The following CSMD2 variants were observed in gnomAD, a reference collection of about 807,000 sequenced individuals.
CSMD2 encodes CUB and sushi domain-containing protein 2.
In CSMD2, 130 loss-of-function variants were observed where a neutral mutation model predicts 398.5. The ratio of observed to expected loss-of-function variants is 0.33; its 90% confidence interval spans 0.28 to 0.38. CSMD2 has a LOEUF of 0.38. CSMD2 is among the 10% of genes least tolerant of loss of function. The probability of loss-of-function intolerance (pLI) is 1.00; values close to 1 mark genes in which losing one functional copy is unlikely to be tolerated. For missense variants in CSMD2, 3,829 were observed against 4,764.9 expected, an observed-to-expected ratio of 0.80 and a Z score of 5.78; for synonymous variants, 1,828 against 1,908.5, an observed-to-expected ratio of 0.96 and a Z score of 1.10.
chr1:33,929,214 A>G (rs111674252), intron 4 of CSMD2, among the ~76,000 whole-genome samples: 2,697 of 151,934 alleles, frequency 0.018, 79 homozygotes, highest in African/African-American at 0.061. Flanking sequence ...GCCCCAATCT[A>G]CGCCTGTCCC....
chr1:33,520,730 A>G (rs1654192169), intron 68 of CSMD2, among the ~76,000 whole-genome samples: 1 of 152,230 alleles, frequency 6.6e-6, no homozygotes, highest in African/African-American at 2.4e-5. Flanking sequence ...GCTTGGAGCC[A>G]GAGGACATGG....
intron 7 of CSMD2, 45 bp downstream of exon 7, chr1:33,825,652 C>CTCAA (rs763140837): frequency 6.3e-7 from 1 of 1,575,980 alleles, no homozygotes; most frequent in Non-Finnish European, 8.7e-7. Context: ...CACGTGTGAC[C>CTCAA]TCAAGCAAGA....
Position 33,521,534 on chromosome 1 carries a change from G to T in CSMD2, c.10526C>A (p.Ser3509Tyr), listed in dbSNP as rs767311659. 2 of 1,612,586 alleles carry T rather than the reference G, an allele frequency of 1.2e-6. No homozygotes were observed. The highest frequency in any genetic ancestry group is 1.7e-5 in the Admixed American group (1 of 60,022). The change falls in exon 68 of 71, where the codon TCC becomes TAC. Residue 3509 changes from serine to tyrosine, a missense_variant. This residue lies in a region of CSMD2 where 917 missense variants were observed against 1,199.5 expected (regional missense o/e 0.76). Coordinates refer to ENST00000373381, the MANE Select transcript of CSMD2 (RefSeq NM_001281956.2). ...GCCTTGGTAGATGAAGGTGGCTCCGGAGGACTCTGACGAGACCTGTGATGG... is the reference window on the plus strand; with the variant it reads ...GCCTTGGTAGATGAAGGTGGCTCCGTAGGACTCTGACGAGACCTGTGATGG... ...ALDGHVSSES[S>Y]GATFIYQGSV...
At chr1:33,590,515 T>C (rs941653771) in intron 44 of CSMD2, among the ~76,000 whole-genome samples, 2 of 151,622 alleles carry the variant, frequency 1.3e-5, no homozygotes, top group Admixed American at 6.6e-5. Flanking sequence ...TTCCCAAATC[T>C]CACCATCTAG....
chr1:33,657,636 C>A (rs1341952807), intron 27 of CSMD2, among the ~76,000 whole-genome samples: 1 of 152,140 alleles, frequency 6.6e-6, no homozygotes, highest in Non-Finnish European at 1.5e-5. Context: ...CCAAGATGAC[C>A]CACTGTCCTC....
chr1:33,788,863 G>T, intron 11 of CSMD2, 151 bp from the exon 12 acceptor site: 1 of 607,510 alleles, frequency 1.6e-6, no homozygotes, highest in Non-Finnish European at 3.0e-6. Flanking sequence ...CTGGAGCCCA[G>T]CAGCATGCTC....
intron 13 of CSMD2, among the ~76,000 whole-genome samples, chr1:33,750,114 G>A (rs1422208832): frequency 6.6e-6 from 1 of 152,076 alleles, no homozygotes; most frequent in Non-Finnish European, 1.5e-5. Flanking sequence ...AATTTTTAAT[G>A]GAGAGGCAAA....
In CSMD2 at chr1:34,122,824, C is replaced by T. The variant is rs367694106; in HGVS notation, c.188-33631G>A. Among the ~76,000 whole-genome samples, 23 of 152,282 alleles carry T rather than the reference C, an allele frequency of 1.5e-4. No homozygotes were observed. In the East Asian group the frequency reaches 3.1e-3, roughly 20 times the overall value. ...CATCTTACCAGGGGACAGAGAGGCC[C>T]ACTAGAGGGAGGATAGCCTGATCCC... On this transcript the variant is annotated intron_variant, in intron 1 of 70. Transcript: ENST00000373381.
At chr1:33,774,766 A>C (rs985804108) in intron 12 of CSMD2, among the ~76,000 whole-genome samples, 1 of 152,134 alleles carries the variant, frequency 6.6e-6, no homozygotes, top group Non-Finnish European at 1.5e-5. Flanking sequence ...GGGGATCCTA[A>C]GGGGGATGAA....
At chr1:33,969,305 T>C (rs1645670431) in intron 3 of CSMD2, among the ~76,000 whole-genome samples, 1 of 152,214 alleles carries the variant, frequency 6.6e-6, no homozygotes, top group Non-Finnish European at 1.5e-5. Context: ...ATTGAACAGA[T>C]GGGGTTAAAG....
At chr1:33,880,034 C>A (rs1641125925) in intron 5 of CSMD2, among the ~76,000 whole-genome samples, 1 of 152,064 alleles carries the variant, frequency 6.6e-6, no homozygotes, top group Non-Finnish European at 1.5e-5. Context: ...AATGAAAAAC[C>A]TGAAGCTTGA....
At chr1:33,649,821 A>C (rs1211943919) in intron 28 of CSMD2, among the ~76,000 whole-genome samples, 3 of 152,172 alleles carry the variant, frequency 2.0e-5, no homozygotes, top group African/African-American at 7.2e-5. Flanking sequence ...CTTTTGGCTA[A>C]GATATATAGC....
intron 5 of CSMD2, among the ~76,000 whole-genome samples, chr1:33,911,842 TG>T (rs1643462267): frequency 6.6e-6 from 1 of 152,034 alleles, no homozygotes. Flanking sequence ...AGCCCCGGGG[TG>T]GGTGCATGCT....
intron 25 of CSMD2, among the ~76,000 whole-genome samples, chr1:33,666,470 GT>G (rs1262729134): frequency 6.6e-6 from 1 of 151,748 alleles, no homozygotes; most frequent in East Asian, 1.9e-4. Context: ...CAAGTTTATG[GT>G]TTTGGTTCTA....
At chr1:33,625,999 C>T (rs1021074785) in intron 33 of CSMD2, among the ~76,000 whole-genome samples, 2 of 152,234 alleles carry the variant, frequency 1.3e-5, no homozygotes, top group East Asian at 1.9e-4. Context: ...TGTGATTGCC[C>T]GCTCCTTACA....
At chr1:33,687,228 T>C (rs775530056) in intron 25 of CSMD2, among the ~76,000 whole-genome samples, 1 of 152,166 alleles carries the variant, frequency 6.6e-6, no homozygotes, top group East Asian at 1.9e-4. Context: ...ATGGCTCAAG[T>C]GCAAAATGCA....
chr1:33,655,723 T>C (rs1643926823), intron 27 of CSMD2, among the ~76,000 whole-genome samples: 2 of 152,236 alleles, frequency 1.3e-5, no homozygotes, highest in Non-Finnish European at 1.5e-5. Flanking sequence ...GACCCGCTCA[T>C]GGCAGAACGC....
In CSMD2 at chr1:33,540,562, T is replaced by C; in HGVS notation, c.9594A>G (p.Gly3198=). The change falls in exon 60 of 71, where the codon GGA becomes GGG. Residue 3198 remains glycine, a synonymous_variant. Coordinates refer to ENST00000373381, the MANE Select transcript of CSMD2 (RefSeq NM_001281956.2). ...LSLPAVFTCE[G]NGSWTGELPQ... Reference sequence around the variant, plus strand: ...GCAGCTCTCCGGTCCAGGACCCATTTCCCTCACAGGTGAACACCGCGGGCA... The same window carrying C: ...GCAGCTCTCCGGTCCAGGACCCATTCCCCTCACAGGTGAACACCGCGGGCA... 6.2e-7 allele frequency: 1 copy of C among 1,614,124 alleles called. No homozygotes were observed. The highest frequency in any genetic ancestry group is 1.7e-5 in the Admixed American group (1 of 60,024).
rs370507143 is a variant in CSMD2, at chr1:33,568,189, C to CTTTTT, written c.8132-353_8132-349dup. On this transcript the variant is annotated intron_variant, in intron 52 of 70. Transcript: ENST00000373381. ...CCCAAAAACTCAAACTCAGGAGCAT[C>CTTTTT]TTTTTTTTTTTTTTTTGAGACAAGA... is the stretch of plus-strand genomic sequence containing the variant. Among the ~76,000 whole-genome samples the CTTTTT allele has an allele frequency of 8.5e-5, 12 of 141,340 alleles. 2 individuals carry two copies. The highest frequency in any genetic ancestry group is 2.1e-4 in the East Asian group (1 of 4,814). The allele number at this position is 141,340 out of a possible 152,430, so 92.7% of individuals were successfully genotyped here.
Sources: allele counts gnomAD v4.1 joint callset (sites outside exome capture counted in the v4.1 genomes callset), GRCh38; gene constraint gnomAD v4.1.1; regional missense constraint gnomAD v4.1.1; transcripts MANE v1.5; gene names NCBI Gene and HGNC (gene_info 2026-07-23, HGNC 2026-07-21).